Variants in MEP1A observed in about 807,000 individuals in gnomAD.
MEP1A encodes meprin A subunit alpha.
Under a neutral mutation model 84.5 loss-of-function variants are expected in MEP1A, and 68 were observed. The ratio of observed to expected loss-of-function variants is 0.80; its 90% CI spans 0.66 to 0.98. The LOEUF is 0.98. MEP1A is among the 50% of genes least tolerant of loss of function. MEP1A has a pLI of 0.00. For synonymous variants in MEP1A, 337 were observed against 336.8 expected, an observed-to-expected ratio of 1.00 and a Z score of -0.01; for missense variants, 887 against 919.9, an observed-to-expected ratio of 0.96 and a Z score of 0.46.
At chr6:46,798,551 C>G (rs2297016) in intron 3 of MEP1A, 55 bp from the exon 4 acceptor site, 1 of 1,320,206 alleles carries the variant, frequency 7.6e-7, no homozygotes, top group Non-Finnish European at 1.1e-6. Context: ...ACGAAAGATG[C>G]CTTTTAATAA....
chr6:46,839,447 AC>A lies in MEP1A; in HGVS notation c.*313del, dbSNP rs1768291157. ...GGGCAGGCACATGTTGTTCTCATTG[AC>A]CGTGCTGGCCCCAGTGCCTAGATGC... On this transcript the variant is annotated 3_prime_UTR_variant, in exon 14 of 14. Transcript: ENST00000230588. The A allele has an allele frequency of 1.0e-5, 2 of 195,720 alleles. No individual in the cohort carries two copies. Among genetic ancestry groups the A allele is most frequent in the East Asian group, 2.4e-4 (2 of 8,458 alleles). The allele number at this position is 195,720 out of a possible 1,614,324, so 12.1% of individuals were successfully genotyped here. A position where few individuals can be genotyped will look rare whatever the true frequency, so the allele number is the denominator to read the frequency against.
chr6:46,796,020 T>C (rs1767043609), intron 3 of MEP1A, among the ~76,000 whole-genome samples: 1 of 152,166 alleles, frequency 6.6e-6, no homozygotes, highest in South Asian at 2.1e-4. Flanking sequence ...AATCTGCCCC[T>C]GACTACTCTT....
At chr6:46,817,143 A>G (rs1767659188) in intron 6 of MEP1A, among the ~76,000 whole-genome samples, 2 of 152,194 alleles carry the variant, frequency 1.3e-5, no homozygotes, top group Admixed American at 6.5e-5. Context: ...GAAATCTGTG[A>G]AAAAGTGTAT....
At chr6:46,805,508 A>T (rs1562105776) in intron 5 of MEP1A, among the ~76,000 whole-genome samples, 1 of 151,852 alleles carries the variant, frequency 6.6e-6, no homozygotes. Context: ...GTTATTTAGT[A>T]TTGAGTTCTA....
the MEP1A span, among the ~76,000 whole-genome samples, chr6:46,844,897 G>T: frequency 6.6e-6 from 1 of 150,830 alleles, no homozygotes; most frequent in Non-Finnish European, 1.5e-5. Context: ...ATTGGATCAT[G>T]GGGGTGGTTT....
chr6:46,825,492 C>A lies in MEP1A; in HGVS notation c.777C>A (p.Cys259Ter). The change falls in exon 8 of 14, where the codon TGC becomes TGA. Residue 259 changes from cysteine to a stop codon, truncating the protein, a stop_gained and splice_region_variant. Coordinates refer to ENST00000230588, the MANE Select transcript of MEP1A (RefSeq NM_005588.3). LOFTEE classifies it high-confidence loss of function. ...DLERLNRMYN[C>*]TTTHTLLDHC... is the part of the protein sequence containing the mutation. ...AGAGGCTGAACCGAATGTACAATTG[C>A]AGTGAGTATCTCAGTTTCTGAGAAC... is the stretch of plus-strand genomic sequence containing the variant. 1 of 1,600,912 alleles carries A rather than the reference C, an allele frequency of 6.2e-7. No individual in the cohort carries two copies. The highest frequency in any genetic ancestry group is 1.1e-5 in the South Asian group (1 of 90,242).
At chr6:46,830,012 G>A (rs2150754943) in intron 10 of MEP1A, among the ~76,000 whole-genome samples, 1 of 152,088 alleles carries the variant, frequency 6.6e-6, no homozygotes, top group South Asian at 2.1e-4. Context: ...TTGGGAGGCC[G>A]AGGCGGCCTT....
chr6:46,798,557 A>T, intron 3 of MEP1A, 49 bp from the exon 4 acceptor site: 1 of 1,450,030 alleles, frequency 6.9e-7, no homozygotes, highest in Non-Finnish European at 9.7e-7. Context: ...GATGCCTTTT[A>T]ATAATGTTCA....
intron 5 of MEP1A, among the ~76,000 whole-genome samples, chr6:46,807,770 G>GGAAAAAAAGAAA (rs1296305673): frequency 1.0e-5 from 1 of 97,236 alleles, no homozygotes; most frequent in East Asian, 3.2e-4. Flanking sequence ...AAGGGAGAAA[G>GGAAAAAAAGAAA]GAAAGAAAGA....
intron 5 of MEP1A, among the ~76,000 whole-genome samples, chr6:46,803,030 C>G (rs551240930): frequency 5.1e-4 from 78 of 151,656 alleles, no homozygotes; most frequent in African/African-American, 1.9e-3. Context: ...GCTCTCAAAA[C>G]CATCTTGAAA....
In MEP1A at chr6:46,793,420, T is replaced by G. The variant is rs1395866322; in HGVS notation, c.22T>G (p.Cys8Gly). The G allele has an allele frequency of 6.3e-7, 1 of 1,597,432 alleles. No homozygotes were observed. Among genetic ancestry groups the G allele is most frequent in the Non-Finnish European group, 8.5e-7 (1 of 1,175,662 alleles). ...AGCAATGGCTTGGATTAGATCCACT[T>G]GCATTCTCTTTTTTACCTTGCTTTT... is the stretch of plus-strand genomic sequence containing the variant. MAWIRST[C>G]ILFFTLLFAH... is the part of the protein sequence containing the mutation. The change falls in exon 1 of 14, where the codon TGC (cysteine) becomes GGC (glycine). Residue 8 changes from cysteine to glycine, a missense_variant. By Grantham distance (159) the Cys-to-Gly change is radical. Transcript: ENST00000230588.
chr6:46,825,685 G>A (rs942185778), intron 8 of MEP1A, among the ~76,000 whole-genome samples, 192 bp downstream of exon 8: 33 of 151,538 alleles, frequency 2.2e-4, no homozygotes, highest in South Asian at 6.3e-4. Flanking sequence ...CTGTTTTTGC[G>A]CTTCAATGGC....
downstream of MEP1A, among the ~76,000 whole-genome samples, chr6:46,842,782 G>A (rs75689841): frequency 5.5e-3 from 835 of 152,150 alleles, 5 homozygotes; most frequent in African/African-American, 0.019. Flanking sequence ...GCAGCTTAGG[G>A]GACATAACGG....
chr6:46,807,831 GA>G (rs1562107148), intron 5 of MEP1A, among the ~76,000 whole-genome samples: 25 of 140,662 alleles, frequency 1.8e-4, no homozygotes, highest in African/African-American at 6.0e-4. Flanking sequence ...AAGAAAGAAA[GA>G]AAGAAAGGAA....
intron 7 of MEP1A, 142 bp from the exon 8 acceptor site, chr6:46,825,130 A>C (rs1030365091): frequency 5.0e-6 from 1 of 201,708 alleles, no homozygotes; most frequent in African/African-American, 2.4e-5. Flanking sequence ...TTTATAAATT[A>C]TGTATTTAAA....
intron 7 of MEP1A, among the ~76,000 whole-genome samples, chr6:46,824,420 A>G (rs1036187611): frequency 6.8e-6 from 1 of 146,744 alleles, no homozygotes; most frequent in Admixed American, 6.8e-5. Flanking sequence ...ATATTAATAT[A>G]TTAACTAATA....
intron 10 of MEP1A, among the ~76,000 whole-genome samples, chr6:46,832,374 C>T (rs1768097599): frequency 6.6e-6 from 1 of 152,244 alleles, no homozygotes; most frequent in Non-Finnish European, 1.5e-5. Context: ...GAACGGCCTT[C>T]TCACCATCTT....
In MEP1A at chr6:46,839,202, G is replaced by T. The variant is rs17468190; in HGVS notation, c.*66G>T. On this transcript the variant is annotated 3_prime_UTR_variant, in exon 14 of 14. Coordinates refer to ENST00000230588, the MANE Select transcript of MEP1A (RefSeq NM_005588.3). ...CCATGCAGGCCTTAACTTTCCCATGGTCAATGCAGTTTTTATCAGCCTTGC... is the reference window on the plus strand; with the variant it reads ...CCATGCAGGCCTTAACTTTCCCATGTTCAATGCAGTTTTTATCAGCCTTGC... The T allele has an allele frequency of 0.39, 518,698 of 1,320,432 alleles. 97,369 individuals carry two copies. The highest frequency in any genetic ancestry group is 0.46 in the Admixed American group (20,776 of 45,044). The allele number at this position is 1,320,432 out of a possible 1,614,324, so 81.8% of individuals were successfully genotyped here.
At chr6:46,802,181 C>A (rs1408525523) in intron 5 of MEP1A, among the ~76,000 whole-genome samples, 1 of 151,818 alleles carries the variant, frequency 6.6e-6, no homozygotes, top group Non-Finnish European at 1.5e-5. Flanking sequence ...AAACTAATTT[C>A]TTAAAAATAT....
Sources: gnomAD v4.1 joint callset for allele counts (sites outside exome capture counted in the v4.1 genomes callset) on GRCh38, gnomAD v4.1.1 for gene constraint, MANE v1.5 for transcripts, NCBI Gene and HGNC (gene_info 2026-07-23, HGNC 2026-07-21) for gene names.